Variants in ANO2 observed in about 807,000 individuals in gnomAD.
ANO2 encodes anoctamin 2, also known as anoctamin-2.
Under a neutral mutation model 124.2 loss-of-function variants are expected in ANO2, and 101 were observed. The observed-to-expected ratio is 0.81, with a 90% CI of 0.69 to 0.96. The LOEUF (loss-of-function observed/expected upper bound fraction) is 0.96, where lower values mean the gene tolerates loss of function less well. Ranked by LOEUF, ANO2 falls within the 40% of genes least tolerant of loss-of-function variation. ANO2 has a pLI of 0.00. For missense variants in ANO2, 1,293 were observed against 1,274.5 expected (o/e 1.01, Z -0.22); for synonymous variants, 486 against 482.5 (o/e 1.01, Z -0.09).
intron 4 of ANO2, among the ~76,000 whole-genome samples, chr12:5,840,314 G>A (rs1016675574): frequency 4.6e-5 from 7 of 152,252 alleles, no homozygotes; most frequent in Middle Eastern, 3.4e-3. Context: ...AGTCTAAGGG[G>A]TTTACTGTCT....
chr12:5,883,057 C>A (rs140992329), intron 3 of ANO2, among the ~76,000 whole-genome samples: 35 of 152,248 alleles, frequency 2.3e-4, no homozygotes, highest in African/African-American at 8.2e-4. Context: ...GGAGCATTCA[C>A]CACCCACCAC....
rs1054658685 is a variant in ANO2, at chr12:5,925,437, A to G, written c.23-2633T>C. On this transcript the variant is annotated intron_variant, in intron 1 of 24. Transcript: ENST00000682330. The surrounding 1 kb of genome is among the most constrained non-coding windows in gnomAD (Gnocchi z 4.6). ...TCTCCCTCTCCCCACAAGTGATTAG[A>G]GCACAGCACACGGTTCAGCCATCCC... Among the ~76,000 whole-genome samples, 1 of 152,158 alleles carries G rather than the reference A, an allele frequency of 6.6e-6. No homozygotes were observed. The highest frequency in any genetic ancestry group is 1.5e-5 in the Non-Finnish European group (1 of 68,030).
chr12:5,799,362 T>C, intron 10 of ANO2, 145 bp downstream of exon 10: 1 of 714,078 alleles, frequency 1.4e-6, no homozygotes, highest in South Asian at 1.9e-5. Flanking sequence ...TCCCCACCCA[T>C]GAGACACAGA....
In ANO2 at chr12:5,832,601, C is replaced by T. The variant is rs746091886; in HGVS notation, c.636G>A (p.Met212Ile). Reference protein sequence around the residue: ...FLKIKVPTKKMYEIKAGGSIA... With the variant: ...FLKIKVPTKKIYEIKAGGSIA... ...TGCTGCCTCCTGCTTTGATCTCGTA[C>T]ATCTATGAAAGGAAGAGCCACAGGT... Residue 212 changes from methionine (M) to isoleucine (I), a missense_variant and splice_region_variant, in exon 5 of 25, where the codon ATG becomes ATA. Transcript: ENST00000682330. 1.9e-6 allele frequency: 3 copies of T among 1,611,608 alleles called. No individual in the cohort carries two copies. The highest frequency in any genetic ancestry group is 1.1e-5 in the South Asian group (1 of 90,796).
chr12:5,790,675 T>C (rs1952671431), intron 10 of ANO2, among the ~76,000 whole-genome samples: 1 of 152,162 alleles, frequency 6.6e-6, no homozygotes, highest in African/African-American at 2.4e-5. Context: ...GCTTTGTGCA[T>C]TAGTTACCTG....
chr12:5,718,316 G>A (rs11831456), intron 14 of ANO2, among the ~76,000 whole-genome samples: 31,638 of 152,176 alleles, frequency 0.21, 3,520 homozygotes, highest in Middle Eastern at 0.27. Context: ...CATGATCAAG[G>A]CAGGAAGTTT....
chr12:5,600,691 T>C (rs1246446041), intron 19 of ANO2, among the ~76,000 whole-genome samples: 1 of 152,208 alleles, frequency 6.6e-6, no homozygotes, highest in Non-Finnish European at 1.5e-5. Flanking sequence ...GTTTTTGCAA[T>C]TACTTTTTAA....
chr12:5,611,490 C>T (rs1310952236), intron 19 of ANO2, among the ~76,000 whole-genome samples: 1 of 152,168 alleles, frequency 6.6e-6, no homozygotes, highest in Non-Finnish European at 1.5e-5. Context: ...GTGGTGTCCC[C>T]TGCAAGTCCC....
intron 19 of ANO2, among the ~76,000 whole-genome samples, chr12:5,602,017 A>C (rs563281867): frequency 1.7e-4 from 26 of 152,228 alleles, no homozygotes; most frequent in Non-Finnish European, 3.8e-4. Context: ...CTTAAGGAAC[A>C]GTAGACGCCA....
intron 4 of ANO2, among the ~76,000 whole-genome samples, chr12:5,845,544 G>A (rs1954655027): frequency 6.7e-6 from 1 of 148,600 alleles, no homozygotes; most frequent in Non-Finnish European, 1.5e-5. Flanking sequence ...TCCAGCCTGG[G>A]CGACAGAGTA....
intron 3 of ANO2, among the ~76,000 whole-genome samples, chr12:5,863,280 C>A (rs1955328722): frequency 6.6e-6 from 1 of 152,212 alleles, no homozygotes; most frequent in South Asian, 2.1e-4. Flanking sequence ...CCTTGAAAGA[C>A]CTAACCTATG....
At chr12:5,699,265 A>G (rs966187659) in intron 14 of ANO2, among the ~76,000 whole-genome samples, 3 of 152,240 alleles carry the variant, frequency 2.0e-5, no homozygotes, top group African/African-American at 7.2e-5. Context: ...TCTACAAGCC[A>G]GAAGAGAGTG....
chr12:5,645,941 G>A (rs755361478), intron 15 of ANO2, among the ~76,000 whole-genome samples: 5 of 152,150 alleles, frequency 3.3e-5, no homozygotes, highest in Non-Finnish European at 2.9e-5. Context: ...ATTGCCCCTG[G>A]CCACTTCTTA....
chr12:5,739,758 G>A, intron 12 of ANO2: 1 of 408,622 alleles, frequency 2.4e-6, no homozygotes, highest in Admixed American at 2.9e-5. Context: ...GCCTCATCTT[G>A]CCTACGCATA....
At chr12:5,593,808 G>C (rs574260365) in intron 20 of ANO2, among the ~76,000 whole-genome samples, 6 of 152,292 alleles carry the variant, frequency 3.9e-5, no homozygotes, top group African/African-American at 1.4e-4. Flanking sequence ...CTCAAAACCA[G>C]AGTCATGTAG....
intron 7 of ANO2, among the ~76,000 whole-genome samples, chr12:5,823,878 A>C (rs917808647): frequency 7.2e-5 from 11 of 152,112 alleles, no homozygotes; most frequent in African/African-American, 2.7e-4. Context: ...AGGTTCCCAA[A>C]CCTCAATTCT....
chr12:5,668,117 A>C (rs538912295), intron 14 of ANO2, among the ~76,000 whole-genome samples: 220 of 152,336 alleles, frequency 1.4e-3, no homozygotes, highest in African/African-American at 5.1e-3. Flanking sequence ...TAGATCTTTA[A>C]GGAATTTCCA....
chr12:5,771,433 C>G (rs1369925989), intron 10 of ANO2, among the ~76,000 whole-genome samples: 2 of 152,118 alleles, frequency 1.3e-5, no homozygotes, highest in African/African-American at 4.8e-5. Context: ...AAAGTGTTAT[C>G]ATTTATTTTC....
intron 1 of ANO2, among the ~76,000 whole-genome samples, chr12:5,932,873 G>A (rs1268692576): frequency 6.6e-6 from 1 of 152,186 alleles, no homozygotes; most frequent in East Asian, 1.9e-4. Flanking sequence ...GCTCCCAGAG[G>A]ACACGGCTTT....
Sources: allele counts gnomAD v4.1 joint callset (sites outside exome capture counted in the v4.1 genomes callset), GRCh38; gene constraint gnomAD v4.1.1; non-coding constraint Gnocchi (gnomAD v3.1); transcripts MANE v1.5; gene names NCBI Gene and HGNC (gene_info 2026-07-23, HGNC 2026-07-21).